The following TSGA10 variants were observed in gnomAD, a reference collection of about 807,000 sequenced individuals.
TSGA10 encodes the protein testis specific 10.
A neutral mutation model predicts 96.6 loss-of-function variants in TSGA10; 43 were observed. That is an observed-to-expected ratio of 0.44 (90% confidence interval 0.35 to 0.57). TSGA10 has a LOEUF of 0.57. Ranked by LOEUF, TSGA10 falls within the 20% of genes least tolerant of loss-of-function variation. TSGA10 has a pLI of 0.01. For missense variants in TSGA10, 703 were observed against 834.4 expected (o/e 0.84, Z 1.94); for synonymous variants, 229 against 269.9 (o/e 0.85, Z 1.48).
chr2:99,101,618 G>A (rs1333270405), intron 10 of TSGA10, among the ~76,000 whole-genome samples: 1 of 152,042 alleles, frequency 6.6e-6, no homozygotes, highest in African/African-American at 2.4e-5. Flanking sequence ...TGGGATATAT[G>A]GGACACTATC....
At chr2:99,050,274 T>C (rs764773746) in intron 16 of TSGA10, among the ~76,000 whole-genome samples, 32 of 152,204 alleles carry the variant, frequency 2.1e-4, no homozygotes, top group Non-Finnish European at 3.8e-4. Flanking sequence ...CAACAATGCA[T>C]TGTTTTGTAG....
intron 7 of TSGA10, 136 bp downstream of exon 7, chr2:99,108,697 T>A (rs1038973234): frequency 3.3e-6 from 2 of 602,214 alleles, no homozygotes; most frequent in Admixed American, 3.7e-5. Flanking sequence ...AAGAATATCT[T>A]AAAAACATAT....
chr2:99,056,791 G>A (rs545298363), intron 16 of TSGA10, among the ~76,000 whole-genome samples: 2 of 123,438 alleles, frequency 1.6e-5, no homozygotes, highest in African/African-American at 3.0e-5. Context: ...AATTACAGAC[G>A]CTCCTAGAAA....
chr2:99,035,652 GAT>G (rs2081554357), intron 16 of TSGA10, among the ~76,000 whole-genome samples: 1 of 150,378 alleles, frequency 6.6e-6, no homozygotes, highest in Non-Finnish European at 1.5e-5. Context: ...TCATGAGCAG[GAT>G]GGTCAACTGG....
At chr2:99,067,926 C>T (rs1467626702) in intron 15 of TSGA10, among the ~76,000 whole-genome samples, 1 of 151,992 alleles carries the variant, frequency 6.6e-6, no homozygotes, top group Non-Finnish European at 1.5e-5. Context: ...GCTCACTGTG[C>T]TAGGTGTTTT....
chr2:99,071,318 AC>A (rs2085931370), intron 14 of TSGA10, among the ~76,000 whole-genome samples: 1 of 152,148 alleles, frequency 6.6e-6, no homozygotes, highest in Non-Finnish European at 1.5e-5. Flanking sequence ...GCTAATGAGA[AC>A]CAAAAAACAA....
At chr2:99,057,779 G>A (rs2084174379) in intron 16 of TSGA10, among the ~76,000 whole-genome samples, 3 of 152,102 alleles carry the variant, frequency 2.0e-5, no homozygotes. Flanking sequence ...AAAAGTCTCA[G>A]AATAGCCAAA....
chr2:99,106,947 GCTAA>G (rs2104826033), intron 7 of TSGA10, among the ~76,000 whole-genome samples: 1 of 152,218 alleles, frequency 6.6e-6, no homozygotes, highest in South Asian at 2.1e-4. Flanking sequence ...GACTTCCAAA[GCTAA>G]CTATTTAACT....
intron 20 of TSGA10, among the ~76,000 whole-genome samples, chr2:99,004,393 T>A (rs1344396302): frequency 2.9e-4 from 42 of 143,204 alleles, no homozygotes; most frequent in Middle Eastern, 5.0e-3. Context: ...GTACCATTCC[T>A]TCTGAAACTA....
At chr2:99,027,121 T>G (rs2080673973) in intron 17 of TSGA10, among the ~76,000 whole-genome samples, 1 of 152,194 alleles carries the variant, frequency 6.6e-6, no homozygotes, top group Non-Finnish European at 1.5e-5. Flanking sequence ...ACCGCTCACC[T>G]CCTGCTGTGC....
chr2:99,038,511 A>T (rs2081878255), intron 16 of TSGA10, among the ~76,000 whole-genome samples: 1 of 152,216 alleles, frequency 6.6e-6, no homozygotes, highest in South Asian at 2.1e-4. Flanking sequence ...AGCTATTCTT[A>T]TATCAGACAA....
chr2:99,004,617 C>T (rs1238042670), intron 20 of TSGA10, among the ~76,000 whole-genome samples: 1 of 152,014 alleles, frequency 6.6e-6, no homozygotes, highest in Non-Finnish European at 1.5e-5. Flanking sequence ...CTGAATAGAC[C>T]AATAACAGGC....
chr2:99,146,312 T>C (rs1472960004), intron 1 of TSGA10, among the ~76,000 whole-genome samples: 1 of 152,238 alleles, frequency 6.6e-6, no homozygotes, highest in Non-Finnish European at 1.5e-5. Context: ...TTATATCCTT[T>C]GCCCATTTTT....
At chr2:99,148,697 C>T (rs769183021) in intron 1 of TSGA10, among the ~76,000 whole-genome samples, 5 of 152,118 alleles carry the variant, frequency 3.3e-5, no homozygotes, top group Non-Finnish European at 5.9e-5. Context: ...TGAGGCTGAG[C>T]GCAGTGGCTC....
intron 1 of TSGA10, among the ~76,000 whole-genome samples, chr2:99,146,149 G>A (rs939501967): frequency 1.3e-5 from 2 of 152,204 alleles, no homozygotes; most frequent in African/African-American, 4.8e-5. Context: ...CGGGCATGGT[G>A]GCAGGTGCCT....
At chr2:99,021,023 A>C (rs1391590520) in intron 17 of TSGA10, among the ~76,000 whole-genome samples, 1 of 150,992 alleles carries the variant, frequency 6.6e-6, no homozygotes, top group Non-Finnish European at 1.5e-5. Context: ...AACTTGTGGA[A>C]AGCTTCCTTT....
chr2:99,097,636 T>G (rs928326891), intron 10 of TSGA10, among the ~76,000 whole-genome samples: 1 of 151,844 alleles, frequency 6.6e-6, no homozygotes, highest in Non-Finnish European at 1.5e-5. Flanking sequence ...AAATACCCCA[T>G]CAATCCAAAA....
chr2:99,080,451 C>T (rs539253282), intron 11 of TSGA10, among the ~76,000 whole-genome samples: 1 of 152,236 alleles, frequency 6.6e-6, no homozygotes, highest in African/African-American at 2.4e-5. Flanking sequence ...TAGGTAATTT[C>T]ACGGTTTTAA....
chr2:99,095,595 C>A (rs1316463576), intron 10 of TSGA10, among the ~76,000 whole-genome samples: 1 of 151,892 alleles, frequency 6.6e-6, no homozygotes, highest in Non-Finnish European at 1.5e-5. Flanking sequence ...ACAGAAGATA[C>A]AAATAAGCTC....
Sources: allele counts gnomAD v4.1 joint callset (sites outside exome capture counted in the v4.1 genomes callset), GRCh38; gene constraint gnomAD v4.1.1; transcripts MANE v1.5; gene names NCBI Gene and HGNC (gene_info 2026-07-23, HGNC 2026-07-21).